Variants in LPP observed in about 807,000 individuals in gnomAD.
LPP encodes the protein lipoma-preferred partner.
Under a neutral mutation model 60.4 loss-of-function variants are expected in LPP, and 38 were observed. The ratio of observed to expected loss-of-function variants is 0.63; its 90% CI spans 0.49 to 0.83. The LOEUF (loss-of-function observed/expected upper bound fraction) is 0.83. Ranked by LOEUF, LPP falls within the 40% of genes least tolerant of loss-of-function variation. The pLI, the probability that LPP is intolerant of heterozygous loss-of-function variation, is 0.00. For synonymous variants in LPP, 328 were observed against 290.8 expected (o/e 1.13, Z -1.30); for missense variants, 902 against 783.6 (o/e 1.15, Z -1.80).
At chr3:188,374,715 T>C (rs1198602150) in intron 3 of LPP, among the ~76,000 whole-genome samples, 1 of 152,176 alleles carries the variant, frequency 6.6e-6, no homozygotes, top group Non-Finnish European at 1.5e-5. Context: ...TCCTGCCTGA[T>C]TGCCCTGGCC....
At chr3:188,614,181 G>A (rs973542101) in intron 7 of LPP, among the ~76,000 whole-genome samples, 3 of 151,912 alleles carry the variant, frequency 2.0e-5, no homozygotes, top group East Asian at 1.9e-4. Context: ...TACCCATCTC[G>A]ACCTCCCAAA....
intron 4 of LPP, among the ~76,000 whole-genome samples, chr3:188,408,779 A>G (rs145889281): frequency 1.1e-4 from 17 of 151,846 alleles, no homozygotes; most frequent in Non-Finnish European, 2.4e-4. Flanking sequence ...TTATAAAGAA[A>G]TGGAAGCTTA....
chr3:188,637,525 G>C (rs1299451681), intron 7 of LPP, among the ~76,000 whole-genome samples: 2 of 150,128 alleles, frequency 1.3e-5, no homozygotes, highest in Non-Finnish European at 3.0e-5. Context: ...GAGCAGAACT[G>C]AAGGAAATAG....
chr3:188,375,055 A>G (rs1279228862), intron 3 of LPP, among the ~76,000 whole-genome samples: 1 of 152,038 alleles, frequency 6.6e-6, no homozygotes, highest in Non-Finnish European at 1.5e-5. Context: ...CAGGGATGAA[A>G]CCCACTTGAT....
rs1216079659 is a variant in LPP, at chr3:188,250,768, T to TTCTGTCTG, written c.-67+25244_-67+25245insGTCTGTCT. Among the ~76,000 whole-genome samples, 609 of 115,016 alleles carry TTCTGTCTG rather than the reference T, an allele frequency of 5.3e-3. 12 individuals carry two copies. Among genetic ancestry groups the TTCTGTCTG allele is most frequent in the African/African-American group, 0.024 (571 of 23,920 alleles). The allele number at this position is 115,016 out of a possible 152,430, so 75.5% of individuals were successfully genotyped here. A position where few individuals can be genotyped will look rare whatever the true frequency, so the allele number is the denominator to read the frequency against. On this transcript the variant is annotated intron_variant, in intron 2 of 11. Transcript: ENST00000617246. ...TTTCTTTCTTTCTTTCTTTCTTTCT[T>TTCTGTCTG]TCTTTCTTTCTTTCTTTCTGTCTTT... is the stretch of plus-strand genomic sequence containing the variant.
chr3:188,887,709 T>C lies in LPP; in HGVS notation c.*13230T>C, dbSNP rs1770841160. Reference sequence around the variant, plus strand: ...GGACCATGCCATCCTTCTAGCATAATGGAGAAGTCTGAACTGAGGAGTATC... The same window carrying C: ...GGACCATGCCATCCTTCTAGCATAACGGAGAAGTCTGAACTGAGGAGTATC... On this transcript the variant is annotated 3_prime_UTR_variant, in exon 12 of 12. Coordinates refer to ENST00000617246, the MANE Select transcript of LPP (RefSeq NM_001375462.1). The C allele has an allele frequency of 9.5e-6, 2 of 211,218 alleles. No homozygotes were observed. Among genetic ancestry groups the C allele is most frequent in the South Asian group, 1.9e-4 (1 of 5,332 alleles). The allele number at this position is 211,218 out of a possible 1,614,324, so 13.1% of individuals were successfully genotyped here. A position where few individuals can be genotyped will look rare whatever the true frequency, so the allele number is the denominator to read the frequency against.
At chr3:188,852,832 A>G (rs941512307) in intron 9 of LPP, among the ~76,000 whole-genome samples, 8 of 152,152 alleles carry the variant, frequency 5.3e-5, no homozygotes, top group Non-Finnish European at 1.2e-4. Flanking sequence ...AGAGAAAACT[A>G]TATCACATTT....
intron 8 of LPP, among the ~76,000 whole-genome samples, chr3:188,751,994 T>C (rs1205426321): frequency 6.6e-6 from 1 of 152,216 alleles, no homozygotes; most frequent in Non-Finnish European, 1.5e-5. Context: ...TTTCCACTCA[T>C]TGACTGTCAT....
intron 6 of LPP, among the ~76,000 whole-genome samples, chr3:188,558,158 TC>T (rs1285245841): frequency 6.6e-6 from 1 of 152,014 alleles, no homozygotes; most frequent in African/African-American, 2.4e-5. Flanking sequence ...TTAAACTAAC[TC>T]CCTCATTCTG....
intron 2 of LPP, among the ~76,000 whole-genome samples, chr3:188,247,399 G>A (rs1016740118): frequency 6.6e-6 from 1 of 152,112 alleles, no homozygotes; most frequent in Non-Finnish European, 1.5e-5. Context: ...TAATACTTGT[G>A]TATGCAAAGA....
At chr3:188,512,708 G>C (rs1233423346) in intron 5 of LPP, among the ~76,000 whole-genome samples, 4 of 151,902 alleles carry the variant, frequency 2.6e-5, no homozygotes, top group African/African-American at 9.7e-5. Flanking sequence ...TTCCAATTTT[G>C]GTAACATTTA....
chr3:188,170,447 C>T (rs374176567), intron 1 of LPP, among the ~76,000 whole-genome samples: 12 of 151,550 alleles, frequency 7.9e-5, no homozygotes, highest in African/African-American at 2.7e-4. Flanking sequence ...TCCACTGCCT[C>T]AGCCTCCTGA....
intron 9 of LPP, among the ~76,000 whole-genome samples, chr3:188,846,965 A>G (rs1761595638): frequency 6.6e-6 from 1 of 152,236 alleles, no homozygotes; most frequent in African/African-American, 2.4e-5. Context: ...CAGAGGCCAC[A>G]CACATCTGCC....
chr3:188,206,288 A>G (rs1733196691), intron 1 of LPP, among the ~76,000 whole-genome samples: 2 of 152,194 alleles, frequency 1.3e-5, no homozygotes, highest in Non-Finnish European at 2.9e-5. Context: ...GAGTAGCTGC[A>G]GGACCTTCAG....
chr3:188,307,289 T>A lies in LPP; in HGVS notation c.-66-34374T>A, dbSNP rs572248494. Among the ~76,000 whole-genome samples, 37 of 152,268 alleles carry A rather than the reference T, an allele frequency of 2.4e-4. No individual in the cohort carries two copies. The South Asian group carries it at 7.5e-3, about 31-fold the overall frequency. Reference sequence around the variant, plus strand: ...TTTTAAAATCATACATACCAGTGGATCTCAGTCCTGGTGGTATGTTAGAAT... The same window carrying A: ...TTTTAAAATCATACATACCAGTGGAACTCAGTCCTGGTGGTATGTTAGAAT... On this transcript the variant is annotated intron_variant, in intron 2 of 11. Transcript: ENST00000617246.
At chr3:188,612,028 G>T (rs1205817881) in intron 7 of LPP, among the ~76,000 whole-genome samples, 1 of 152,038 alleles carries the variant, frequency 6.6e-6, no homozygotes, top group Non-Finnish European at 1.5e-5. Context: ...TGAGCAAGGT[G>T]GTTATTCAAG....
At chr3:188,754,171 A>G (rs1729370297) in intron 8 of LPP, among the ~76,000 whole-genome samples, 1 of 152,194 alleles carries the variant, frequency 6.6e-6, no homozygotes, top group Non-Finnish European at 1.5e-5. Flanking sequence ...TGATAAATTC[A>G]TCGGCAACCC....
chr3:188,566,702 G>T (rs1160533485), intron 6 of LPP, among the ~76,000 whole-genome samples: 1 of 151,826 alleles, frequency 6.6e-6, no homozygotes, highest in Non-Finnish European at 1.5e-5. Flanking sequence ...TGCTTGAGTT[G>T]TGTGTTTTTT....
intron 7 of LPP, among the ~76,000 whole-genome samples, chr3:188,634,262 T>C (rs1404936329): frequency 6.6e-6 from 1 of 152,232 alleles, no homozygotes; most frequent in African/African-American, 2.4e-5. Context: ...TTAAAGCTAT[T>C]ATTTTTCTCA....
Sources: allele counts gnomAD v4.1 joint callset (sites outside exome capture counted in the v4.1 genomes callset), GRCh38; gene constraint gnomAD v4.1.1; transcripts MANE v1.5; gene names NCBI Gene and HGNC (gene_info 2026-07-23, HGNC 2026-07-21).